The following PCDHA6 variants were observed in gnomAD, a reference collection of about 807,000 sequenced individuals.
The protein encoded by PCDHA6 is protocadherin alpha 6, also known as protocadherin alpha-6.
In PCDHA6, 55 loss-of-function variants were observed where a neutral mutation model predicts 60.3. The observed-to-expected ratio is 0.91, with a 90% CI of 0.73 to 1.14. PCDHA6 has a LOEUF of 1.14. Among genes scored for constraint, PCDHA6 ranks in the 50% most tolerant of loss-of-function variants. PCDHA6 has a pLI of 0.00. For missense variants in PCDHA6, 1,327 were observed against 1,256.5 expected (o/e 1.06, Z -0.85); for synonymous variants, 652 against 557.9 (o/e 1.17, Z -2.38).
intron 1 of PCDHA6, among the ~76,000 whole-genome samples, chr5:140,917,329 G>GGC (rs1563018868): frequency 6.9e-6 from 1 of 143,930 alleles, no homozygotes; most frequent in Non-Finnish European, 1.5e-5. Context: ...TGTGGCGGGG[G>GGC]AGGGGGGGGA....
Position 140,910,294 on chromosome 5 carries a change from A to C in PCDHA6, c.2395-68655A>C, listed in dbSNP as rs146332329. Among the ~76,000 whole-genome samples, 1,310 of 151,558 alleles carry C rather than the reference A, an allele frequency of 8.6e-3. 14 individuals carry two copies. The highest frequency in any genetic ancestry group is 0.03 in the African/African-American group (1,252 of 41,252). ...TCTAGGAACACCATGATTAATCAAC[A>C]GATGCCAGAGATCTACATGAGTCAG... On this transcript the variant is annotated intron_variant, in intron 1 of 3. Transcript: ENST00000529310.
rs183247098 is a variant in PCDHA6 at position 140,949,419 on chromosome 5, T to G, written c.2395-29530T>G. On this transcript the variant is annotated intron_variant, in intron 1 of 3. Coordinates refer to ENST00000529310, the MANE Select transcript of PCDHA6 (RefSeq NM_018909.4). ...TGTTAAAAATCACCTATCATCATTGTGTTTATCTCTTTGTGCCCATTTTTG... is the reference window on the plus strand; with the variant it reads ...TGTTAAAAATCACCTATCATCATTGGGTTTATCTCTTTGTGCCCATTTTTG... Among the ~76,000 whole-genome samples the G allele has an allele frequency of 2.5e-3, 382 of 151,992 alleles. 3 individuals are homozygous for G. The highest frequency in any genetic ancestry group is 0.018 in the South Asian group (86 of 4,828).
At chr5:140,959,285 G>A (rs2095478960) in intron 1 of PCDHA6, among the ~76,000 whole-genome samples, 1 of 152,002 alleles carries the variant, frequency 6.6e-6, no homozygotes, top group African/African-American at 2.4e-5. Flanking sequence ...CCTGAGGTGG[G>A]AGCATCACTG....
chr5:140,978,680 T>C (rs2096816388), intron 1 of PCDHA6, among the ~76,000 whole-genome samples: 1 of 152,240 alleles, frequency 6.6e-6, no homozygotes, highest in Non-Finnish European at 1.5e-5. Context: ...CAGACATGTA[T>C]TGGGCAAGGC....
At chr5:140,879,483 T>C (rs2153367251) in intron 1 of PCDHA6, among the ~76,000 whole-genome samples, 1 of 152,292 alleles carries the variant, frequency 6.6e-6, no homozygotes, top group Non-Finnish European at 1.5e-5. Context: ...TGATTGGAAA[T>C]ATGGGTCTGG....
At chr5:140,867,220 A>G (rs782476423) in intron 1 of PCDHA6, 2 of 152,110 alleles carry the variant, frequency 1.3e-5, no homozygotes, top group Non-Finnish European at 2.9e-5. Flanking sequence ...TTCATCCCCA[A>G]TTCCCATAAT....
Position 140,869,285 on chromosome 5 carries a change from A to C in PCDHA6, c.2394+38800A>C, listed in dbSNP as rs201493000. The stretch of plus-strand genomic sequence containing the variant: ...GGGCTGGAGCTGGCGGAGCTGGTGC[A>C]GCGCCTGTTCCGGGTGGCGTCCAAA... On this transcript the variant is annotated intron_variant, in intron 1 of 3. Transcript: ENST00000529310. The C allele has an allele frequency of 2.9e-3, 4,695 of 1,613,540 alleles. 19 individuals carry two copies. Among genetic ancestry groups the C allele is most frequent in the African/African-American group, 9.9e-3 (743 of 75,038 alleles).
At chr5:140,886,560 G>A (rs1230327560) in intron 1 of PCDHA6, among the ~76,000 whole-genome samples, 3 of 151,904 alleles carry the variant, frequency 2.0e-5, no homozygotes, top group Non-Finnish European at 4.4e-5. Flanking sequence ...GGGCACGGTG[G>A]CTCACGCCTG....
chr5:140,924,910 AT>A (rs1554202346), intron 1 of PCDHA6, among the ~76,000 whole-genome samples: 33 of 63,422 alleles, frequency 5.2e-4, no homozygotes, highest in African/African-American at 1.8e-3. Context: ...AAAAAATAAA[AT>A]AAAATAAAAT....
chr5:140,946,326 A>T (rs1554217498), intron 1 of PCDHA6, among the ~76,000 whole-genome samples: 1 of 151,914 alleles, frequency 6.6e-6, no homozygotes, highest in East Asian at 1.9e-4. Context: ...GAAAGAGGAA[A>T]GATAACAAGT....
chr5:140,891,708 C>A (rs1422243783), intron 1 of PCDHA6, among the ~76,000 whole-genome samples: 1 of 152,182 alleles, frequency 6.6e-6, no homozygotes, highest in Middle Eastern at 3.4e-3. Flanking sequence ...TGAATTTGTA[C>A]CCCCAAATTC....
rs2150422300 is a variant in PCDHA6, at chr5:140,848,837, G to T, written c.2394+18352G>T. On this transcript the variant is annotated intron_variant, in intron 1 of 3. Coordinates refer to ENST00000529310, the MANE Select transcript of PCDHA6 (RefSeq NM_018909.4). The stretch of plus-strand genomic sequence containing the variant: ...TGGAGGTGATCGTAGACAGGCCGCT[G>T]CAGGTTTTCCATGTGGACGTGGAGG... 11 of 1,590,342 alleles carry T rather than the reference G, an allele frequency of 6.9e-6. 1 individual carries two copies. Among genetic ancestry groups the T allele is most frequent in the Non-Finnish European group, 9.5e-6 (11 of 1,162,060 alleles).
chr5:140,981,459 A>C (rs1267670163), intron 2 of PCDHA6, among the ~76,000 whole-genome samples: 1 of 152,176 alleles, frequency 6.6e-6, no homozygotes, highest in Non-Finnish European at 1.5e-5. Context: ...CTGTAGTCCC[A>C]GCTACTTGGG....
At chr5:140,871,315 C>A (rs908582761) in intron 1 of PCDHA6, 1 of 1,613,928 alleles carries the variant, frequency 6.2e-7, no homozygotes, top group African/African-American at 1.3e-5. Context: ...GAAGCCCACG[C>A]TGGTGTGCTC....
rs1314972050 is a variant in PCDHA6, at chr5:141,011,103, T to A, written c.*1166T>A. 6.5e-6 allele frequency: 1 copy of A among 153,762 alleles called. No individual in the cohort carries two copies. Among genetic ancestry groups the A allele is most frequent in the Non-Finnish European group, 1.5e-5 (1 of 68,036 alleles). The allele number at this position is 153,762 out of a possible 1,614,324, so 9.5% of individuals were successfully genotyped here. A position where few individuals can be genotyped will look rare whatever the true frequency, so the allele number is the denominator to read the frequency against. On this transcript the variant is annotated 3_prime_UTR_variant, in exon 4 of 4. Coordinates refer to ENST00000529310, the MANE Select transcript of PCDHA6 (RefSeq NM_018909.4). ...TGATCTCTCTTTCTCTCTCTCTCTC[T>A]CTTTTCTAAGAAACAATTATGTGCA... is the stretch of plus-strand genomic sequence containing the variant.
At chr5:140,842,698 G>A (rs782455331) in intron 1 of PCDHA6, 1 of 1,595,366 alleles carries the variant, frequency 6.3e-7, no homozygotes, top group South Asian at 1.1e-5. Flanking sequence ...CGCAGCCCGA[G>A]TACACGGTGT....
intron 1 of PCDHA6, among the ~76,000 whole-genome samples, chr5:140,944,191 G>A (rs181232402): frequency 6.6e-6 from 1 of 151,980 alleles, no homozygotes. Flanking sequence ...GGTTTGTTTT[G>A]TTTTGTTTTG....
intron 1 of PCDHA6, chr5:140,866,107 G>T (rs2049153150): frequency 6.6e-6 from 1 of 152,146 alleles, no homozygotes; most frequent in African/African-American, 2.4e-5. Flanking sequence ...GTAATTAAGA[G>T]TTGCCTTATA....
intron 1 of PCDHA6, among the ~76,000 whole-genome samples, chr5:140,959,421 TTTG>T (rs1393541693): frequency 6.6e-6 from 1 of 152,102 alleles, no homozygotes; most frequent in East Asian, 1.9e-4. Flanking sequence ...GATCTGAGAA[TTTG>T]TGTATTTTTT....
Sources: allele counts gnomAD v4.1 joint callset (sites outside exome capture counted in the v4.1 genomes callset), GRCh38; gene constraint gnomAD v4.1.1; transcripts MANE v1.5; gene names NCBI Gene and HGNC (gene_info 2026-07-23, HGNC 2026-07-21).